CFAP74: variants seen among roughly 807,000 people sequenced by gnomAD.
CFAP74 encodes the protein cilia- and flagella-associated protein 74.
In CFAP74, 124 loss-of-function variants were observed where a neutral mutation model predicts 188.9. The observed-to-expected ratio is 0.66, with a 90% CI of 0.57 to 0.76. The LOEUF (loss-of-function observed/expected upper bound fraction) is 0.76, where lower values mean the gene tolerates loss of function less well. CFAP74 is among the 30% of genes least tolerant of loss of function. The pLI, the probability that CFAP74 is intolerant of heterozygous loss-of-function variation, is 0.00. For synonymous variants in CFAP74, 956 were observed against 916.7 expected, an observed-to-expected ratio of 1.04 and a Z score of -0.77; for missense variants, 2,198 against 2,165.2, an observed-to-expected ratio of 1.02 and a Z score of -0.30.
chr1:1,923,942 T>G lies in CFAP74; in HGVS notation c.4235-13A>C. On this transcript the variant is annotated splice_polypyrimidine_tract_variant and intron_variant, in intron 34 of 38. Transcript: ENST00000682832. This position sits in a 1 kb window ranked among gnomAD's most constrained non-coding sequence, Gnocchi z 6.3. ...AGATTCTGCGTCCCTGCGGGTAGGG[T>G]GGGGTGCAGTTTGGCCTTCTCCACC... 1.2e-6 allele frequency: 2 copies of G among 1,600,700 alleles called. No individual in the cohort carries two copies. Among genetic ancestry groups the G allele is most frequent in the Non-Finnish European group, 1.7e-6 (2 of 1,173,132 alleles).
At chr1:1,979,214 C>T (rs146522044) in intron 6 of CFAP74, among the ~76,000 whole-genome samples, 2 of 71,908 alleles carry the variant, frequency 2.8e-5, no homozygotes, top group Admixed American at 1.3e-4. Context: ...CGTGGGAAGG[C>T]GTCATGTGAC....
chr1:1,988,838 CCCCACCCCCACCCCCCCACA>C (rs1403792859), intron 3 of CFAP74, 31 bp downstream of exon 3: 2 of 389,998 alleles, frequency 5.1e-6, no homozygotes, highest in African/African-American at 4.8e-5. Flanking sequence ...CCACCCCCAC[CCCCACCCCCACCCCCCCACA>C]CCCACCTCCA....
In CFAP74 at chr1:1,942,911, C is replaced by A. The variant is rs555478007; in HGVS notation, c.2487-755G>T. 6.6e-6 allele frequency among the ~76,000 whole-genome samples: 1 copy of A among 152,186 alleles called. No homozygotes were observed. Among genetic ancestry groups the A allele is most frequent in the South Asian group, 2.1e-4 (1 of 4,830 alleles). ...TCCTGTGCTTCCATGCGACAGTCAC[C>A]CATGCTGTGGCAGCCTCATCTCCGT... is the stretch of plus-strand genomic sequence containing the variant. On this transcript the variant is annotated intron_variant, in intron 21 of 38. Transcript: ENST00000682832. The surrounding 1 kb of genome is among the most constrained non-coding windows in gnomAD (Gnocchi z 4.3).
chr1:1,994,695 C>A (rs975209890), intron 1 of CFAP74, among the ~76,000 whole-genome samples: 1 of 152,224 alleles, frequency 6.6e-6, no homozygotes, highest in Non-Finnish European at 1.5e-5. Flanking sequence ...GGATGTCAGT[C>A]TTCTAAAAGG....
chr1:1,974,131 C>T lies in CFAP74; in HGVS notation c.568G>A (p.Glu190Lys). Residue 190 changes from glutamate to lysine, a missense_variant, in exon 7 of 39, where the codon GAG (glutamate) becomes AAG (lysine). Transcript: ENST00000682832. ...LEAFRTADRE[E>K]VEATGRRLQV... is the part of the protein sequence containing the mutation. ...AGCCGCCGCCCCGTGGCCTCCACCTCCTCACGGTCAGCTGTCCGGAAGGCC... is the reference window on the plus strand; with the variant it reads ...AGCCGCCGCCCCGTGGCCTCCACCTTCTCACGGTCAGCTGTCCGGAAGGCC... The T allele has an allele frequency of 6.2e-7, 1 of 1,612,834 alleles. No homozygotes were observed. The highest frequency in any genetic ancestry group is 8.5e-7 in the Non-Finnish European group (1 of 1,179,388).
intron 14 of CFAP74, 71 bp from the exon 15 acceptor site, chr1:1,960,101 G>GCCT: frequency 7.4e-7 from 1 of 1,350,784 alleles, no homozygotes; most frequent in Non-Finnish European, 1.0e-6. Context: ...ACCACCCAGA[G>GCCT]CACAGTCAGG....
chr1:1,955,308 C>T, intron 18 of CFAP74: 2 of 1,261,534 alleles, frequency 1.6e-6, no homozygotes, highest in African/African-American at 1.5e-5. Flanking sequence ...TTTCTCGGCA[C>T]CTCTCCCCGC....
chr1:1,991,813 G>C (rs906780233), intron 1 of CFAP74, among the ~76,000 whole-genome samples: 1 of 152,108 alleles, frequency 6.6e-6, no homozygotes, highest in Non-Finnish European at 1.5e-5. Context: ...GCCAAGGTGG[G>C]CGGATCACGA....
At chr1:1,986,789 C>T (rs1260909447) in intron 5 of CFAP74, 148 bp downstream of exon 5, 1 of 657,988 alleles carries the variant, frequency 1.5e-6, no homozygotes, top group East Asian at 2.7e-5. Context: ...ACCTCACATG[C>T]TTCTGCATGT....
chr1:1,922,843 C>T, intron 37 of CFAP74, 120 bp from the exon 38 acceptor site: 4 of 1,476,772 alleles, frequency 2.7e-6, no homozygotes, highest in Non-Finnish European at 2.7e-6. Context: ...CTGCCCACCC[C>T]ACAGCTGCCA....
intron 38 of CFAP74, 37 bp from the exon 39 acceptor site, chr1:1,922,425 C>T: frequency 3.2e-6 from 5 of 1,582,652 alleles, no homozygotes; most frequent in African/African-American, 1.4e-5. Flanking sequence ...GGCCTTCAGT[C>T]AGTGGGCACC....
At chr1:1,948,412 A>AATATATATATATATATAT (rs56005703) in intron 18 of CFAP74, among the ~76,000 whole-genome samples, 3 of 144,408 alleles carry the variant, frequency 2.1e-5, no homozygotes, top group African/African-American at 7.7e-5. Flanking sequence ...GGCATATATA[A>AATATATATATATATATAT]ATATATATAT....
rs533665986 is a variant in CFAP74 at position 1,961,961 on chromosome 1, G to A, written c.1694+1788C>T. On this transcript the variant is annotated intron_variant, in intron 14 of 38. Coordinates refer to ENST00000682832, the MANE Select transcript of CFAP74 (RefSeq NM_001304360.2). ...GGGGGCAGCCTCAGGAAGATGCCTC[G>A]TGGGAGAAGAGGAGGCCCCTCTGGA... Among the ~76,000 whole-genome samples, 41 of 152,366 alleles carry A rather than the reference G, an allele frequency of 2.7e-4. 1 individual carries two copies. The highest frequency in any genetic ancestry group is 4.9e-4 in the Non-Finnish European group (33 of 68,032).
chr1:1,997,015 G>A (rs1378709111), intron 1 of CFAP74, among the ~76,000 whole-genome samples: 1 of 151,354 alleles, frequency 6.6e-6, no homozygotes, highest in Non-Finnish European at 1.5e-5. Context: ...CACAGCAAAC[G>A]TCACACTTAA....
intron 14 of CFAP74, 84 bp from the exon 15 acceptor site, chr1:1,960,114 G>GGGCATCCT (rs754248965): frequency 8.2e-7 from 1 of 1,213,600 alleles, no homozygotes; most frequent in South Asian, 1.3e-5. Flanking sequence ...CAGTCAGGCT[G>GGGCATCCT]GGCCTCCTGG....
chr1:1,990,820 C>T, intron 2 of CFAP74, 70 bp downstream of exon 2: 1 of 1,191,486 alleles, frequency 8.4e-7, no homozygotes, highest in Non-Finnish European at 1.2e-6. Flanking sequence ...AATTAAAGGG[C>T]TACTATGAAG....
rs1240399230 is a variant in CFAP74 at position 1,942,304 on chromosome 1, C to T, written c.2487-148G>A. 1.3e-5 allele frequency: 9 copies of T among 690,504 alleles called. No homozygotes were observed. The highest frequency in any genetic ancestry group is 3.2e-5 in the South Asian group (1 of 30,842). The allele number at this position is 690,504 out of a possible 1,614,324, so 42.8% of individuals were successfully genotyped here. A position where few individuals can be genotyped will look rare whatever the true frequency, so the allele number is the denominator to read the frequency against. ...CACTCCAAGCCATGCACGTGCACCT[C>T]GACAATCGGAGTCCTCAAAGCCCTG... On this transcript the variant is annotated intron_variant, in intron 21 of 38. Transcript: ENST00000682832. The surrounding 1 kb of genome is among the most constrained non-coding windows in gnomAD (Gnocchi z 4.3).
intron 4 of CFAP74, chr1:1,988,009 C>G: frequency 6.8e-6 from 3 of 439,516 alleles, no homozygotes; most frequent in South Asian, 4.9e-5. Context: ...TGCTCTGTCA[C>G]CCAGGCTTGC....
In CFAP74 at chr1:1,968,603, G is replaced by T; in HGVS notation, c.1245+32C>A. ...CCCCACCTGCCCTCCACAGGTGTGC[G>T]GCTTCTGTCTACAGGAAGGCGTTTT... On this transcript the variant is annotated intron_variant, in intron 11 of 38. Coordinates refer to ENST00000682832, the MANE Select transcript of CFAP74 (RefSeq NM_001304360.2). The surrounding 1 kb of genome is among the most constrained non-coding windows in gnomAD (Gnocchi z 4.3). The T allele has an allele frequency of 3.8e-6, 6 of 1,590,456 alleles. No individual in the cohort carries two copies. Among genetic ancestry groups the T allele is most frequent in the Non-Finnish European group, 5.2e-6 (6 of 1,161,366 alleles).
Sources: allele counts gnomAD v4.1 joint callset (sites outside exome capture counted in the v4.1 genomes callset), GRCh38; gene constraint gnomAD v4.1.1; non-coding constraint Gnocchi (gnomAD v3.1); transcripts MANE v1.5; gene names NCBI Gene and HGNC (gene_info 2026-07-23, HGNC 2026-07-21).